Variants in SGCZ observed in about 807,000 individuals in gnomAD.
SGCZ encodes the protein zeta-sarcoglycan.
SGCZ carries 40 observed loss-of-function variants against 41.3 expected under a neutral mutation model. That is an observed-to-expected ratio of 0.97 (90% CI 0.75 to 1.26). SGCZ has a LOEUF of 1.26. SGCZ is among the 50% of genes most tolerant of loss of function. The pLI, the probability that SGCZ is intolerant of heterozygous loss-of-function variation, is 0.00. For missense variants in SGCZ, 552 were observed against 369.8 expected (o/e 1.49, Z -4.04); for synonymous variants, 206 against 137.5 (o/e 1.50, Z -3.49).
Position 15,090,791 on chromosome 8 carries a change from G to T in SGCZ, c.39+146794C>A, listed in dbSNP as rs150223163. On this transcript the variant is annotated intron_variant, in intron 1 of 7. Coordinates refer to ENST00000382080, the MANE Select transcript of SGCZ (RefSeq NM_139167.4). ...CATCTCTTATCATTTTTGTTTTCAT[G>T]CCAAACAGGTGTGTGGAAATCTCAA... is the stretch of plus-strand genomic sequence containing the variant. 2.3e-3 allele frequency among the ~76,000 whole-genome samples: 350 copies of T among 152,220 alleles called. 3 individuals carry two copies. The highest frequency in any genetic ancestry group is 6.8e-3 in the Middle Eastern group (2 of 292).
chr8:14,640,038 T>C (rs1227594280), intron 1 of SGCZ, among the ~76,000 whole-genome samples: 1 of 151,762 alleles, frequency 6.6e-6, no homozygotes, highest in Non-Finnish European at 1.5e-5. Flanking sequence ...GCATTAGCTT[T>C]AAGTTTTTCT....
Position 14,209,319 on chromosome 8 carries a change from A to G in SGCZ, c.424+28273T>C, listed in dbSNP as rs537954409. ...TATTCAGAAGCCCCTCTCTCTCACC[A>G]GGGAGAGAGCTGTTCTGCTTTCTCT... On this transcript the variant is annotated intron_variant, in intron 4 of 7. Coordinates refer to ENST00000382080, the MANE Select transcript of SGCZ (RefSeq NM_139167.4). Among the ~76,000 whole-genome samples the G allele has an allele frequency of 5.9e-5, 9 of 152,136 alleles. No individual in the cohort carries two copies. In the South Asian group the frequency reaches 1.0e-3, roughly 18 times the overall value.
At chr8:14,238,657 A>G (rs1806855297) in intron 3 of SGCZ, among the ~76,000 whole-genome samples, 1 of 152,186 alleles carries the variant, frequency 6.6e-6, no homozygotes, top group Non-Finnish European at 1.5e-5. Context: ...TTAACGCTCT[A>G]AAACCTAAGT....
chr8:15,170,448 C>T (rs1413010428), intron 1 of SGCZ, among the ~76,000 whole-genome samples: 1 of 152,196 alleles, frequency 6.6e-6, no homozygotes, highest in African/African-American at 2.4e-5. Context: ...CAACTTTCCA[C>T]CCCTGCTTAG....
intron 1 of SGCZ, among the ~76,000 whole-genome samples, chr8:14,954,341 G>C (rs184324469): frequency 2.3e-4 from 35 of 152,176 alleles, no homozygotes; most frequent in Non-Finnish European, 4.4e-4. Context: ...CAGAAGATGT[G>C]GCAGACAGAC....
At chr8:14,302,868 C>G (rs905092851) in intron 3 of SGCZ, among the ~76,000 whole-genome samples, 2 of 152,142 alleles carry the variant, frequency 1.3e-5, no homozygotes, top group African/African-American at 4.8e-5. Context: ...CAAAAGAGGG[C>G]TCTCTATTTC....
At chr8:14,201,777 C>T (rs1215643929) in intron 4 of SGCZ, among the ~76,000 whole-genome samples, 1 of 152,070 alleles carries the variant, frequency 6.6e-6, no homozygotes, top group East Asian at 1.9e-4. Context: ...ACAAATTATA[C>T]CTTCACAGAC....
At chr8:14,149,524 G>T (rs562847004) in intron 5 of SGCZ, among the ~76,000 whole-genome samples, 1 of 151,724 alleles carries the variant, frequency 6.6e-6, no homozygotes, top group Non-Finnish European at 1.5e-5. Context: ...TGAAAGGAAC[G>T]CCAAAAAATG....
chr8:14,596,822 G>C (rs1299773497), intron 1 of SGCZ, among the ~76,000 whole-genome samples: 1 of 151,978 alleles, frequency 6.6e-6, no homozygotes, highest in Admixed American at 6.6e-5. Flanking sequence ...ATGTATCCTG[G>C]AAATTAGAGT....
At chr8:15,008,818 A>C (rs1585467354) in intron 1 of SGCZ, among the ~76,000 whole-genome samples, 1 of 90,534 alleles carries the variant, frequency 1.1e-5, no homozygotes, top group Admixed American at 1.3e-4. Flanking sequence ...GGAGGGACGG[A>C]GGGAGGAAGG....
At chr8:14,420,325 A>G (rs1799605214) in intron 2 of SGCZ, among the ~76,000 whole-genome samples, 1 of 152,082 alleles carries the variant, frequency 6.6e-6, no homozygotes, top group African/African-American at 2.4e-5. Flanking sequence ...AAAAAGGGCT[A>G]ATAACCATCA....
chr8:14,202,270 T>A (rs531658029), intron 4 of SGCZ, among the ~76,000 whole-genome samples: 39 of 152,266 alleles, frequency 2.6e-4, no homozygotes, highest in African/African-American at 8.9e-4. Context: ...ATAACCTCTA[T>A]AAACTGGAAA....
chr8:14,955,924 TTTGCTGCATAGTTA>T (rs1800776287), intron 1 of SGCZ, among the ~76,000 whole-genome samples: 1 of 152,158 alleles, frequency 6.6e-6, no homozygotes, highest in Non-Finnish European at 1.5e-5. Context: ...GTACCAATAT[TTTGCTGCATAGTTA>T]GAGATTCTCT....
At chr8:14,624,881 A>G (rs1806403115) in intron 1 of SGCZ, among the ~76,000 whole-genome samples, 2 of 151,962 alleles carry the variant, frequency 1.3e-5, no homozygotes. Context: ...ATCACTCCCC[A>G]AATTTCTGAC....
At chr8:15,125,868 G>A (rs924893667) in intron 1 of SGCZ, among the ~76,000 whole-genome samples, 12 of 152,106 alleles carry the variant, frequency 7.9e-5, no homozygotes, top group African/African-American at 2.7e-4. Flanking sequence ...TTTCAGGGTC[G>A]GGTGCAGTGG....
At chr8:14,511,260 A>G (rs1802460257) in intron 2 of SGCZ, among the ~76,000 whole-genome samples, 1 of 151,904 alleles carries the variant, frequency 6.6e-6, no homozygotes, top group South Asian at 2.1e-4. Context: ...TCACATTCTA[A>G]TGCAATGATT....
chr8:14,976,363 G>A, intron 1 of SGCZ, among the ~76,000 whole-genome samples: 1 of 152,040 alleles, frequency 6.6e-6, no homozygotes, highest in East Asian at 1.9e-4. Flanking sequence ...GGCCATATGT[G>A]TGACACTTTT....
chr8:14,285,759 G>T (rs895499385), intron 3 of SGCZ, among the ~76,000 whole-genome samples: 8 of 152,084 alleles, frequency 5.3e-5, no homozygotes, highest in Non-Finnish European at 1.2e-4. Flanking sequence ...TATGGGATTT[G>T]TTAGTGTACG....
rs575808134 is a variant in SGCZ at position 14,941,110 on chromosome 8, G to C, written c.39+296475C>G. ...AGTTTAAAAAAAGAGTTAACATACA[G>C]CATTGGTGAGAATGCTCAGAATCAG... On this transcript the variant is annotated intron_variant, in intron 1 of 7. Transcript: ENST00000382080. Among the ~76,000 whole-genome samples, 4 of 152,188 alleles carry C rather than the reference G, an allele frequency of 2.6e-5. No homozygotes were observed. The East Asian group carries it at 7.7e-4, about 29-fold the overall frequency.
Sources: gnomAD v4.1 joint callset for allele counts (sites outside exome capture counted in the v4.1 genomes callset) on GRCh38, gnomAD v4.1.1 for gene constraint, MANE v1.5 for transcripts, NCBI Gene and HGNC (gene_info 2026-07-23, HGNC 2026-07-21) for gene names.